ABITRAM: variants seen among roughly 807,000 people sequenced by gnomAD.
The protein encoded by ABITRAM is actin binding transcription modulator.
In ABITRAM, 19 loss-of-function variants were observed where a neutral mutation model predicts 22.9. That is an observed-to-expected ratio of 0.83 (90% CI 0.58 to 1.22). The LOEUF is 1.22. Among genes scored for constraint, ABITRAM ranks in the 50% most tolerant of loss-of-function variants. The probability of loss-of-function intolerance (pLI) is 0.00; values close to 1 mark genes in which losing one functional copy is unlikely to be tolerated. For missense variants in ABITRAM, 215 were observed against 220.2 expected (o/e 0.98, Z 0.15); for synonymous variants, 70 against 73.9 (o/e 0.95, Z 0.27).
At chr9:108,935,099 A>C (rs2132062728) in intron 1 of ABITRAM, among the ~76,000 whole-genome samples, 1 of 152,302 alleles carries the variant, frequency 6.6e-6, no homozygotes, top group East Asian at 1.9e-4. Context: ...TGTAAGCAGA[A>C]CCAGTGGTGG....
In ABITRAM at chr9:108,949,082, A is replaced by C. The variant is rs940053010; in HGVS notation, c.262-1425A>C. 2.6e-5 allele frequency among the ~76,000 whole-genome samples: 4 copies of C among 152,348 alleles called. 1 individual carries two copies. In the South Asian group the frequency reaches 6.2e-4, roughly 24 times the overall value. Reference sequence around the variant, plus strand: ...ATTATTAAGAAATATGAATGATTACATGTAAATCATTAAGAAATCATATAA... The same window carrying C: ...ATTATTAAGAAATATGAATGATTACCTGTAAATCATTAAGAAATCATATAA... On this transcript the variant is annotated intron_variant, in intron 3 of 3. Transcript: ENST00000374624.
At chr9:108,946,764 G>A (rs1488977119) in intron 3 of ABITRAM, among the ~76,000 whole-genome samples, 1 of 152,168 alleles carries the variant, frequency 6.6e-6, no homozygotes, top group African/African-American at 2.4e-5. Context: ...TTTGTTGAAT[G>A]AAGTATGCAA....
downstream of ABITRAM, among the ~76,000 whole-genome samples, chr9:108,941,790 A>T (rs1385311241): frequency 6.6e-6 from 1 of 152,212 alleles, no homozygotes; most frequent in Non-Finnish European, 1.5e-5. Context: ...CTACGACTGA[A>T]GTCTAACACA....
chr9:108,949,545 T>A (rs1003304455), intron 3 of ABITRAM, among the ~76,000 whole-genome samples: 12 of 152,146 alleles, frequency 7.9e-5, no homozygotes, highest in Non-Finnish European at 1.2e-4. Context: ...CTATCTCTAC[T>A]AAAAATACAA....
rs766891262 is a variant in ABITRAM, at chr9:108,934,507, C to G, written c.21C>G (p.Ala7=). ...TCGCCATGGCTACCGAGCCCGAAGC[C>G]GCGGAGCCGGTGGTGCCTTCGCTCG... is the stretch of plus-strand genomic sequence containing the variant. The part of the protein sequence containing the change: MATEPE[A]AEPVVPSLVD... Residue 7 remains alanine (A), a synonymous_variant, in exon 1 of 6, where the codon GCC becomes GCG. Transcript: ENST00000322940. 6.9e-6 allele frequency: 11 copies of G among 1,605,324 alleles called. No homozygotes were observed. The South Asian group carries it at 1.0e-4, about 15-fold the overall frequency.
chr9:108,934,462 G>A lies in ABITRAM; in HGVS notation c.-25G>A. ...AGGAAGCGCTGGGGTCCCGGAGGGC[G>A]GGGGTGGCGGCGCCGGAGGTCGCCA... is the stretch of plus-strand genomic sequence containing the variant. On this transcript the variant is annotated 5_prime_UTR_variant, in exon 1 of 6. Transcript: ENST00000322940. 4 of 1,580,990 alleles carry A rather than the reference G, an allele frequency of 2.5e-6. No individual in the cohort carries two copies. The highest frequency in any genetic ancestry group is 3.4e-6 in the Non-Finnish European group (4 of 1,165,388).
At chr9:108,943,815 A>G, downstream of ABITRAM, 1 of 1,612,742 alleles carries the variant, frequency 6.2e-7, no homozygotes, top group South Asian at 1.1e-5. Context: ...ATCGTCTTTC[A>G]GCTGAAATGT....
intron 3 of ABITRAM, 133 bp from the exon 4 acceptor site, chr9:108,939,063 G>A (rs537614521): frequency 4.2e-5 from 30 of 715,694 alleles, no homozygotes; most frequent in Middle Eastern, 4.1e-4. Flanking sequence ...TTAATGAATG[G>A]TTTTTATATA....
At chr9:108,936,640 A>G (rs1830191126) in intron 3 of ABITRAM, among the ~76,000 whole-genome samples, 1 of 152,184 alleles carries the variant, frequency 6.6e-6, no homozygotes, top group Non-Finnish European at 1.5e-5. Flanking sequence ...TATCTGTTAT[A>G]TTAGGTTCTG....
intron 1 of ABITRAM, among the ~76,000 whole-genome samples, chr9:108,935,123 G>T (rs1281852819): frequency 6.6e-6 from 1 of 152,146 alleles, no homozygotes; most frequent in Non-Finnish European, 1.5e-5. Flanking sequence ...CATCGTTGGG[G>T]ACTCTCCTTT....
In ABITRAM at chr9:108,934,498, G is replaced by C; in HGVS notation, c.12G>C (p.Glu4Asp). The part of the protein sequence containing the change: MAT[E>D]PEAAEPVVPS... ...CGCCGGAGGTCGCCATGGCTACCGAGCCCGAAGCCGCGGAGCCGGTGGTGC... is the reference window on the plus strand; with the variant it reads ...CGCCGGAGGTCGCCATGGCTACCGACCCCGAAGCCGCGGAGCCGGTGGTGC... The change falls in exon 1 of 6, where the codon GAG becomes GAC. Residue 4 changes from glutamate (E) to aspartate (D), a missense_variant. By Grantham distance (45) the Glu-to-Asp change is conservative (BLOSUM62 2). Coordinates refer to ENST00000322940, the MANE Select transcript of ABITRAM (RefSeq NM_017832.4). 1 of 1,604,260 alleles carries C rather than the reference G, an allele frequency of 6.2e-7. No homozygotes were observed. Among genetic ancestry groups the C allele is most frequent in the Non-Finnish European group, 8.5e-7 (1 of 1,176,644 alleles).
chr9:108,942,317 C>CTT (rs1830267831), downstream of ABITRAM, among the ~76,000 whole-genome samples: 1 of 152,172 alleles, frequency 6.6e-6, no homozygotes, highest in Non-Finnish European at 1.5e-5. Flanking sequence ...TTTTGTCACA[C>CTT]TTGGTAAACA....
At chr9:108,941,840 C>G (rs1222293497), downstream of ABITRAM, among the ~76,000 whole-genome samples, 1 of 152,126 alleles carries the variant, frequency 6.6e-6, no homozygotes, top group African/African-American at 2.4e-5. Context: ...AACCTATAAA[C>G]CAGATCCTTC....
At chr9:108,938,342 A>G (rs148184514) in intron 3 of ABITRAM, among the ~76,000 whole-genome samples, 98 of 152,330 alleles carry the variant, frequency 6.4e-4, no homozygotes, top group African/African-American at 2.2e-3. Flanking sequence ...AAGGGGTCAT[A>G]AAGAATAGCA....
intron 3 of ABITRAM, among the ~76,000 whole-genome samples, chr9:108,950,155 A>G (rs1830518856): frequency 6.6e-6 from 1 of 152,218 alleles, no homozygotes; most frequent in Admixed American, 6.5e-5. Flanking sequence ...TTTTAAAAGC[A>G]TGATTTTCAT....
At chr9:108,943,933 C>G (rs1318098787), downstream of ABITRAM, 2 of 1,609,792 alleles carry the variant, frequency 1.2e-6, no homozygotes, top group East Asian at 2.2e-5. Context: ...AATACCACCA[C>G]CAGCTCCAGG....
At chr9:108,936,684 G>A (rs1346042569) in intron 3 of ABITRAM, among the ~76,000 whole-genome samples, 3 of 152,152 alleles carry the variant, frequency 2.0e-5, no homozygotes, top group Admixed American at 2.0e-4. Context: ...GGATGGAGGA[G>A]GGGGAAGGCA....
chr9:108,940,947 A>T lies in ABITRAM; in HGVS notation c.*1261A>T, dbSNP rs903425259. On this transcript the variant is annotated 3_prime_UTR_variant, in exon 6 of 6. Transcript: ENST00000322940. ...CTGTTTTTAAATAAAATATACTTTT[A>T]TACAGAAGAAATCATTCGATGTATT... 2.0e-5 allele frequency: 3 copies of T among 152,310 alleles called. No homozygotes were observed. The highest frequency in any genetic ancestry group is 7.2e-5 in the African/African-American group (3 of 41,570). The allele number at this position is 152,310 out of a possible 1,614,324, so 9.4% of individuals were successfully genotyped here. A position where few individuals can be genotyped will look rare whatever the true frequency, so the allele number is the denominator to read the frequency against.
chr9:108,943,017 A>G, downstream of ABITRAM: 2 of 1,612,610 alleles, frequency 1.2e-6, no homozygotes, highest in South Asian at 1.1e-5. Flanking sequence ...GCCATCATGG[A>G]TCTTGTCTTC....
Sources: allele counts gnomAD v4.1 joint callset (sites outside exome capture counted in the v4.1 genomes callset), GRCh38; gene constraint gnomAD v4.1.1; transcripts MANE v1.5; gene names NCBI Gene and HGNC (gene_info 2026-07-23, HGNC 2026-07-21).